Variants in ARID5B observed in about 807,000 individuals in gnomAD.
ARID5B encodes the protein AT-rich interaction domain 5B.
ARID5B carries 13 observed loss-of-function variants against 97.2 expected under a neutral mutation model. The ratio of observed to expected loss-of-function variants is 0.13; its 90% confidence interval spans 0.09 to 0.21. The LOEUF (loss-of-function observed/expected upper bound fraction) is 0.21. ARID5B is among the 10% of genes least tolerant of loss of function. The pLI is 1.00. For missense variants in ARID5B, 1,210 were observed against 1,465.3 expected, an observed-to-expected ratio of 0.83 and a Z score of 2.84; for synonymous variants, 556 against 570.3, an observed-to-expected ratio of 0.97 and a Z score of 0.36.
intron 2 of ARID5B, among the ~76,000 whole-genome samples, chr10:61,922,766 C>G (rs1488592621): frequency 1.3e-5 from 2 of 152,208 alleles, no homozygotes; most frequent in African/African-American, 4.8e-5. Context: ...CATCTCCTGG[C>G]CCTCCTTCCA....
At chr10:61,930,740 A>AATAAATAAATAAATAT (rs1298850590) in intron 2 of ARID5B, among the ~76,000 whole-genome samples, 1 of 151,494 alleles carries the variant, frequency 6.6e-6, no homozygotes, top group South Asian at 2.1e-4. Context: ...TAAATAAATA[A>AATAAATAAATAAATAT]ATAAATAAAT....
chr10:61,953,974 C>T (rs775768774), intron 3 of ARID5B, among the ~76,000 whole-genome samples: 1 of 152,120 alleles, frequency 6.6e-6, no homozygotes, highest in Non-Finnish European at 1.5e-5. Context: ...CTTGAGTTAT[C>T]TATTATAAGA....
At chr10:62,078,378 A>C (rs938350100) in intron 8 of ARID5B, among the ~76,000 whole-genome samples, 1 of 152,212 alleles carries the variant, frequency 6.6e-6, no homozygotes, top group Admixed American at 6.5e-5. Context: ...AGTCCCATCT[A>C]TTCAGGGAGT....
At chr10:61,912,966 G>T (rs1357148800) in intron 2 of ARID5B, among the ~76,000 whole-genome samples, 1 of 152,088 alleles carries the variant, frequency 6.6e-6, no homozygotes, top group Non-Finnish European at 1.5e-5. Context: ...CTAGAAATAA[G>T]GCAAATTAGC....
chr10:62,038,487 G>T (rs1839593315), intron 4 of ARID5B, among the ~76,000 whole-genome samples: 1 of 151,788 alleles, frequency 6.6e-6, no homozygotes, highest in Non-Finnish European at 1.5e-5. Flanking sequence ...TCTATTTTTG[G>T]TTTAAAGGAG....
chr10:61,951,580 T>C (rs1341248865), intron 3 of ARID5B, among the ~76,000 whole-genome samples: 1 of 152,318 alleles, frequency 6.6e-6, no homozygotes, highest in South Asian at 2.1e-4. Flanking sequence ...TTTCTTCTCT[T>C]TTTCATTAAG....
chr10:61,917,320 C>CTATT (rs528200954), intron 2 of ARID5B, among the ~76,000 whole-genome samples: 9 of 151,916 alleles, frequency 5.9e-5, no homozygotes, highest in Non-Finnish European at 1.2e-4. Flanking sequence ...GTTGACCATT[C>CTATT]TATTTATTTA....
chr10:62,075,976 C>A (rs1380496523), intron 8 of ARID5B, among the ~76,000 whole-genome samples: 2 of 152,202 alleles, frequency 1.3e-5, no homozygotes, highest in African/African-American at 4.8e-5. Flanking sequence ...AGAGCACTCT[C>A]AGGGGTAATG....
intron 4 of ARID5B, among the ~76,000 whole-genome samples, chr10:62,046,440 T>C (rs1356175209): frequency 6.6e-6 from 1 of 152,224 alleles, no homozygotes; most frequent in Non-Finnish European, 1.5e-5. Flanking sequence ...TTCTAGACCC[T>C]TTAAGAAAAA....
intron 4 of ARID5B, among the ~76,000 whole-genome samples, chr10:62,021,698 A>G (rs1839358176): frequency 1.3e-5 from 2 of 152,358 alleles, no homozygotes; most frequent in East Asian, 1.9e-4. Flanking sequence ...TTCTACAACA[A>G]TGTTTATGTC....
intron 3 of ARID5B, among the ~76,000 whole-genome samples, chr10:61,949,288 G>GTTTT (rs999853286): frequency 6.6e-6 from 1 of 152,032 alleles, no homozygotes; most frequent in African/African-American, 2.4e-5. Context: ...TTTTTGTTTT[G>GTTTT]TTTTGTCTAT....
chr10:61,928,445 C>T (rs1844145796), intron 2 of ARID5B, among the ~76,000 whole-genome samples: 1 of 152,082 alleles, frequency 6.6e-6, no homozygotes, highest in South Asian at 2.1e-4. Context: ...AGACTACAGG[C>T]ACCTGCCACC....
chr10:62,096,533 C>T lies in ARID5B; in HGVS notation c.*3503C>T, dbSNP rs1840473338. 4.3e-6 allele frequency: 1 copy of T among 233,216 alleles called. No individual in the cohort carries two copies. The highest frequency in any genetic ancestry group is 8.5e-6 in the Non-Finnish European group (1 of 117,984). 14.4% of individuals were successfully genotyped at this position (233,216 alleles called of 1,614,324 possible). On this transcript the variant is annotated 3_prime_UTR_variant, in exon 10 of 10. Coordinates refer to ENST00000279873, the MANE Select transcript of ARID5B (RefSeq NM_032199.3). ...GGCTGTTAGTGTATTTGATATTCTG[C>T]CTGTCTCCTCATGGTTGAAATATGT...
chr10:61,957,272 T>TG (rs997412361), intron 3 of ARID5B, among the ~76,000 whole-genome samples: 2 of 152,204 alleles, frequency 1.3e-5, no homozygotes, highest in Non-Finnish European at 2.9e-5. Context: ...GTCTTGTTTT[T>TG]TTGTTGTTGT....
intron 3 of ARID5B, among the ~76,000 whole-genome samples, chr10:61,992,558 CTT>C (rs1218498608): frequency 2.0e-5 from 3 of 152,014 alleles, no homozygotes; most frequent in Admixed American, 2.0e-4. Flanking sequence ...TTGAAATATT[CTT>C]TGTTTTGTTT....
intron 8 of ARID5B, among the ~76,000 whole-genome samples, chr10:62,074,873 T>C (rs1840107844): frequency 1.3e-5 from 2 of 152,274 alleles, no homozygotes. Flanking sequence ...TAAGCATTGA[T>C]ACACTTACGC....
chr10:62,031,189 A>G (rs1839493356), intron 4 of ARID5B, among the ~76,000 whole-genome samples: 1 of 152,222 alleles, frequency 6.6e-6, no homozygotes, highest in Non-Finnish European at 1.5e-5. Flanking sequence ...AGCCACGACC[A>G]TGCCATTGCA....
chr10:62,074,326 C>T (rs868624689), intron 8 of ARID5B, among the ~76,000 whole-genome samples: 63 of 152,290 alleles, frequency 4.1e-4, no homozygotes, highest in South Asian at 1.0e-3. Context: ...TGCCTAATTT[C>T]AAATCCAACC....
chr10:62,067,553 GA>G (rs1171457292), intron 7 of ARID5B, among the ~76,000 whole-genome samples: 1 of 152,266 alleles, frequency 6.6e-6, no homozygotes, highest in Non-Finnish European at 1.5e-5. Context: ...ACTCACAGCA[GA>G]AACAGTGATT....
Sources: gnomAD v4.1 joint callset for allele counts (sites outside exome capture counted in the v4.1 genomes callset) on GRCh38, gnomAD v4.1.1 for gene constraint, MANE v1.5 for transcripts, NCBI Gene and HGNC (gene_info 2026-07-23, HGNC 2026-07-21) for gene names.